Variants in SMC4 observed in about 807,000 individuals in gnomAD.
SMC4 encodes structural maintenance of chromosomes 4.
Under a neutral mutation model 145.6 loss-of-function variants are expected in SMC4, and 87 were observed. The observed-to-expected ratio is 0.60, with a 90% CI of 0.50 to 0.71. The LOEUF (loss-of-function observed/expected upper bound fraction) is 0.71, where lower values mean the gene tolerates loss of function less well. SMC4 is among the 30% of genes least tolerant of loss of function. SMC4 has a pLI of 0.00. For missense variants in SMC4, 1,447 were observed against 1,537.1 expected, an observed-to-expected ratio of 0.94 and a Z score of 0.98; for synonymous variants, 558 against 500.7, an observed-to-expected ratio of 1.11 and a Z score of -1.53.
At chr3:160,416,505 C>A in intron 10 of SMC4, 90 bp downstream of exon 10, 1 of 822,496 alleles carries the variant, frequency 1.2e-6, no homozygotes, top group Non-Finnish European at 1.8e-6. Context: ...GAAACCTGAA[C>A]TGGTAAGTTT....
In SMC4 at chr3:160,404,486, T is replaced by C. The variant is rs1476067196; in HGVS notation, c.669T>C (p.Asn223=). ...GCCATGGAATTGACTTGGACCATAA[T>C]AGATTTTTAATTTTACAGGTAAGTT... is the stretch of plus-strand genomic sequence containing the variant. ...LRSHGIDLDH[N]RFLILQGEVE... Residue 223 remains asparagine, a synonymous_variant, in exon 5 of 24, where the codon AAT becomes AAC. Coordinates refer to ENST00000357388, the MANE Select transcript of SMC4 (RefSeq NM_001002800.3). The C allele has an allele frequency of 2.5e-6, 4 of 1,603,418 alleles. No homozygotes were observed. The highest frequency in any genetic ancestry group is 2.2e-5 in the East Asian group (1 of 44,756).
In SMC4 at chr3:160,430,666, G is replaced by A; in HGVS notation, c.2863G>A (p.Val955Met). Residue 955 changes from valine to methionine, a missense_variant, in exon 19 of 24, where the codon GTG becomes ATG. By Grantham distance (21) the Val-to-Met change is conservative. Coordinates refer to ENST00000357388, the MANE Select transcript of SMC4 (RefSeq NM_001002800.3). ...AGAAATAAAAGATACTGAGAAAGAG[G>A]TGGATGACCTAACAGCAGAGCTGAA... ...EKEIKDTEKEVDDLTAELKSL... is the reference protein window; with the variant it reads ...EKEIKDTEKEMDDLTAELKSL... The A allele has an allele frequency of 6.2e-7, 1 of 1,613,772 alleles. No homozygotes were observed. Among genetic ancestry groups the A allele is most frequent in the Non-Finnish European group, 8.5e-7 (1 of 1,179,840 alleles).
chr3:160,422,200 C>A (rs924580720), intron 13 of SMC4, among the ~76,000 whole-genome samples: 4 of 152,144 alleles, frequency 2.6e-5, no homozygotes, highest in African/African-American at 9.7e-5. Flanking sequence ...ATTTTCAGTT[C>A]TCTTGGGTAT....
chr3:160,415,689 A>G (rs1348813045), intron 9 of SMC4, among the ~76,000 whole-genome samples: 1 of 152,254 alleles, frequency 6.6e-6, no homozygotes, highest in Non-Finnish European at 1.5e-5. Context: ...CTTTGGGGGT[A>G]ACCCCAAAGA....
intron 1 of SMC4, 136 bp from the exon 2 acceptor site, chr3:160,400,686 C>T (rs1458173282): frequency 2.6e-6 from 3 of 1,153,632 alleles, no homozygotes; most frequent in African/African-American, 1.6e-5. Context: ...TGGCTCCCTT[C>T]CCGAAGTCCC....
In SMC4 at chr3:160,417,822, C is replaced by T; in HGVS notation, c.1537C>T (p.His513Tyr). The T allele has an allele frequency of 6.2e-7, 1 of 1,613,652 alleles. No homozygotes were observed. Among genetic ancestry groups the T allele is most frequent in the Non-Finnish European group, 8.5e-7 (1 of 1,179,802 alleles). ...QSELDIYLSR[H>Y]NTAVSQLTKA... Reference sequence around the variant, plus strand: ...AGAACTTGATATCTATCTCAGTCGTCATAATACTGCAGTGTCTCAATTAAC... The same window carrying T: ...AGAACTTGATATCTATCTCAGTCGTTATAATACTGCAGTGTCTCAATTAAC... The change falls in exon 11 of 24, where the codon CAT (histidine) becomes TAT (tyrosine). Residue 513 changes from histidine to tyrosine, a missense_variant. Coordinates refer to ENST00000357388, the MANE Select transcript of SMC4 (RefSeq NM_001002800.3).
At chr3:160,417,477 T>G in intron 10 of SMC4, 1 of 466,766 alleles carries the variant, frequency 2.1e-6, no homozygotes, top group African/African-American at 2.0e-5. Flanking sequence ...TCAAATGTCT[T>G]TATTCCTCAG....
At chr3:160,427,985 C>CT (rs774832693) in intron 17 of SMC4, among the ~76,000 whole-genome samples, 1 of 152,246 alleles carries the variant, frequency 6.6e-6, no homozygotes, top group African/African-American at 2.4e-5. Context: ...GTGGCACATG[C>CT]TTATAATCCC....
intron 11 of SMC4, among the ~76,000 whole-genome samples, 164 bp downstream of exon 11, chr3:160,418,120 T>A (rs1716780841): frequency 6.6e-6 from 1 of 152,160 alleles, no homozygotes; most frequent in African/African-American, 2.4e-5. Flanking sequence ...ATATGTGAAC[T>A]GAGACTATCA....
chr3:160,427,031 A>T (rs1717864246), intron 17 of SMC4, among the ~76,000 whole-genome samples: 1 of 152,162 alleles, frequency 6.6e-6, no homozygotes, highest in Non-Finnish European at 1.5e-5. Context: ...AAATGTGGGG[A>T]TTTTCTTCCA....
At chr3:160,412,274 A>T (rs1427552737) in intron 6 of SMC4, 52 bp from the exon 7 acceptor site, 12 of 1,521,814 alleles carry the variant, frequency 7.9e-6, no homozygotes, top group Non-Finnish European at 9.8e-6. Context: ...TTTTAAGTTC[A>T]TATTGTACAT....
chr3:160,416,536 T>C (rs1191012032), intron 10 of SMC4, 121 bp downstream of exon 10: 1 of 556,394 alleles, frequency 1.8e-6, no homozygotes, highest in African/African-American at 1.9e-5. Flanking sequence ...TGTCCAACAT[T>C]CCTAAAACTA....
chr3:160,433,840 C>T lies in SMC4; in HGVS notation c.*31C>T, dbSNP rs377149037. ...ATGCTGAAGATTCTTCAAGTTGATT[C>T]AGTGTATTACTGATTTTTTTCTATT... On this transcript the variant is annotated 3_prime_UTR_variant, in exon 24 of 24. Transcript: ENST00000357388. 1.3e-6 allele frequency: 2 copies of T among 1,537,668 alleles called. No homozygotes were observed. Among genetic ancestry groups the T allele is most frequent in the African/African-American group, 1.4e-5 (1 of 72,098 alleles).
At position 160,433,696 on chromosome 3, in the gene SMC4, C is replaced by T. The variant is rs753471840; in HGVS notation, c.3754C>T (p.Arg1252Ter). The change falls in exon 24 of 24, where the codon CGA becomes TGA. Residue 1252 changes from arginine to a stop codon, truncating the protein, a stop_gained. Transcript: ENST00000357388. LOFTEE classifies it high-confidence loss of function. ...KNAQFIIISL[R>*]NNMFEISDRL... ...TGCACAGTTCATAATAATTTCTCTT[C>T]GAAATAATATGTTTGAGATTTCGGA... is the stretch of plus-strand genomic sequence containing the variant. 1.9e-6 allele frequency: 3 copies of T among 1,577,138 alleles called. No individual in the cohort carries two copies. The highest frequency in any genetic ancestry group is 2.3e-5 in the East Asian group (1 of 43,918).
At position 160,400,858 on chromosome 3, in the gene SMC4, C is replaced by A; in HGVS notation, c.32C>A (p.Ala11Asp). 6.5e-7 allele frequency: 1 copy of A among 1,534,978 alleles called. No homozygotes were observed. The highest frequency in any genetic ancestry group is 8.7e-7 in the Non-Finnish European group (1 of 1,150,592). ...CGTAAAGGCACCCAGCCCTCCACTG[C>A]CCGGCGCAGAGAGGAAGGGCCGCCG... The part of the protein sequence containing the change: MPRKGTQPST[A>D]RRREEGPPPP... Residue 11 changes from alanine (A) to aspartate (D), a missense_variant, in exon 2 of 24, where the codon GCC (alanine) becomes GAC (aspartate). Physicochemically the swap from Ala to Asp is moderately radical, Grantham distance 126 (BLOSUM62 -2). Transcript: ENST00000357388.
In SMC4 at chr3:160,419,445, A is replaced by G. The variant is rs745944938; in HGVS notation, c.1759A>G (p.Lys587Glu). Reference protein sequence around the residue: ...HDLFQKVEEAKSSLAMNRSRG... With the variant: ...HDLFQKVEEAESSLAMNRSRG... The stretch of plus-strand genomic sequence containing the variant: ...TCTCTTTCAAAAAGTTGAAGAAGCA[A>G]AGAGCTCATTAGCAATGAATCGAAG... The change falls in exon 12 of 24, where the codon AAG becomes GAG. Residue 587 changes from lysine (K) to glutamate (E), a missense_variant. By Grantham distance (56) the Lys-to-Glu change is moderately conservative (BLOSUM62 1). Transcript: ENST00000357388. 4 of 1,612,752 alleles carry G rather than the reference A, an allele frequency of 2.5e-6. No individual in the cohort carries two copies. Among genetic ancestry groups the G allele is most frequent in the East Asian group, 2.2e-5 (1 of 44,780 alleles).
At chr3:160,414,627 T>C in intron 9 of SMC4, 110 bp downstream of exon 9, 3 of 1,103,080 alleles carry the variant, frequency 2.7e-6, no homozygotes, top group Non-Finnish European at 3.9e-6. Context: ...ATTCTAAATG[T>C]TGTTTTAAGG....
At chr3:160,401,114 G>A (rs1194463571) in intron 2 of SMC4, 149 bp downstream of exon 2, 6 of 1,148,312 alleles carry the variant, frequency 5.2e-6, no homozygotes, top group Non-Finnish European at 5.7e-6. Flanking sequence ...AAAGCCATTT[G>A]GCAACTTTGA....
intron 23 of SMC4, chr3:160,433,439 A>T: frequency 1.8e-6 from 1 of 545,616 alleles, no homozygotes; most frequent in South Asian, 2.9e-5. Flanking sequence ...GCAGAATCAC[A>T]GCTAGAATCC....
Sources: gnomAD v4.1 joint callset for allele counts (sites outside exome capture counted in the v4.1 genomes callset) on GRCh38, gnomAD v4.1.1 for gene constraint, MANE v1.5 for transcripts, NCBI Gene and HGNC (gene_info 2026-07-23, HGNC 2026-07-21) for gene names.